The following RARS1 variants were observed in gnomAD, a reference collection of about 807,000 sequenced individuals.
RARS1 encodes the protein arginine--tRNA ligase, cytoplasmic.
Under a neutral mutation model 78.7 loss-of-function variants are expected in RARS1, and 75 were observed. That is an observed-to-expected ratio of 0.95 (90% CI 0.79 to 1.15). The LOEUF (loss-of-function observed/expected upper bound fraction) is 1.15. Ranked by LOEUF, RARS1 falls within the 50% of genes most tolerant of loss-of-function variation. RARS1 has a pLI of 0.00. For synonymous variants in RARS1, 273 were observed against 268.2 expected, an observed-to-expected ratio of 1.02 and a Z score of -0.18; for missense variants, 787 against 787.5, an observed-to-expected ratio of 1.00 and a Z score of 0.01.
chr5:168,487,427 G>A (rs1231296006), intron 1 of RARS1, among the ~76,000 whole-genome samples: 1 of 152,120 alleles, frequency 6.6e-6, no homozygotes, highest in Admixed American at 6.5e-5. Context: ...AGGTGGGGAG[G>A]GATGGTAGGA....
intron 14 of RARS1, 100 bp from the exon 15 acceptor site, chr5:168,518,981 T>C (rs1158973583): frequency 4.7e-6 from 4 of 852,946 alleles, no homozygotes; most frequent in African/African-American, 1.7e-5. Flanking sequence ...TGGGTTGGAC[T>C]ATGCACTTCT....
intron 5 of RARS1, chr5:168,495,073 T>G (rs886757388): frequency 1.4e-5 from 8 of 585,202 alleles, no homozygotes; most frequent in Non-Finnish European, 2.0e-5. Flanking sequence ...ATCACTGAAA[T>G]AGAATGGATA....
Position 168,506,096 on chromosome 5 carries a change from C to G in RARS1, c.1133C>G (p.Ser378Ter), listed in dbSNP as rs1758438632. 6.2e-7 allele frequency: 1 copy of G among 1,605,746 alleles called. No homozygotes were observed. The highest frequency in any genetic ancestry group is 8.5e-7 in the Non-Finnish European group (1 of 1,175,986). Reference sequence around the variant, plus strand: ...TCCATACCATTAACCATAGTAAAATCAGATGGAGGTTATACCTATGATACA... The same window carrying G: ...TCCATACCATTAACCATAGTAAAATGAGATGGAGGTTATACCTATGATACA... ...GCSIPLTIVK[S>*]DGGYTYDTSD... Residue 378 changes from serine (S) to a stop codon, truncating the protein, a stop_gained, in exon 10 of 15, where the codon TCA becomes TGA. Coordinates refer to ENST00000231572, the MANE Select transcript of RARS1 (RefSeq NM_002887.4). LOFTEE classifies it high-confidence loss of function.
At chr5:168,494,254 A>T in intron 4 of RARS1, 1 of 985,352 alleles carries the variant, frequency 1.0e-6, no homozygotes, top group Non-Finnish European at 1.2e-6. Flanking sequence ...GAGGATAGAT[A>T]ATGGCAGATA....
At chr5:168,500,374 G>A (rs561952854) in intron 7 of RARS1, among the ~76,000 whole-genome samples, 49 of 152,182 alleles carry the variant, frequency 3.2e-4, no homozygotes, top group African/African-American at 1.2e-3. Flanking sequence ...AAAGAAAACT[G>A]TGGTGAGATT....
chr5:168,506,885 C>G (rs1758460112), intron 11 of RARS1, 54 bp downstream of exon 11: 5 of 1,363,316 alleles, frequency 3.7e-6, no homozygotes, highest in African/African-American at 1.4e-5. Flanking sequence ...CAAGAGGCTA[C>G]TTTTCATTTG....
Position 168,492,792 on chromosome 5 carries a change from G to T in RARS1, c.314G>T (p.Ser105Ile). 1.2e-6 allele frequency: 2 copies of T among 1,613,930 alleles called. No homozygotes were observed. Among genetic ancestry groups the T allele is most frequent in the Non-Finnish European group, 1.7e-6 (2 of 1,179,838 alleles). ...AATCCTCCTCTGCTAGTGACACCAAGTCAGCAGGCCAAGTTTGGGGACTAT... is the reference window on the plus strand; with the variant it reads ...AATCCTCCTCTGCTAGTGACACCAATTCAGCAGGCCAAGTTTGGGGACTAT... ...LENPPLLVTP[S>I]QQAKFGDYQC... The change falls in exon 3 of 15, where the codon AGT becomes ATT. Residue 105 changes from serine (S) to isoleucine (I), a missense_variant. Coordinates refer to ENST00000231572, the MANE Select transcript of RARS1 (RefSeq NM_002887.4).
rs1758738921 is a variant in RARS1 at position 168,519,243 on chromosome 5, G to C, written c.*53G>C. 1 of 1,417,802 alleles carries C rather than the reference G, an allele frequency of 7.1e-7. No homozygotes were observed. The highest frequency in any genetic ancestry group is 1.4e-5 in the African/African-American group (1 of 70,334). The allele number at this position is 1,417,802 out of a possible 1,614,324, so 87.8% of individuals were successfully genotyped here. On this transcript the variant is annotated 3_prime_UTR_variant, in exon 15 of 15. Transcript: ENST00000231572. Reference sequence around the variant, plus strand: ...TTTTACCAAAGTGGCCATTGGCACTGTTTGCTTTTTTACAATCATGTGGAC... The same window carrying C: ...TTTTACCAAAGTGGCCATTGGCACTCTTTGCTTTTTTACAATCATGTGGAC...
At chr5:168,511,366 G>A (rs73316525) in intron 12 of RARS1, among the ~76,000 whole-genome samples, 6,239 of 151,932 alleles carry the variant, frequency 0.041, 434 homozygotes, top group Admixed American at 0.18. Context: ...TATTCATGGG[G>A]GAAGATGAAG....
In RARS1 at chr5:168,501,206, C is replaced by T. The variant is rs1046967552; in HGVS notation, c.952+486C>T. On this transcript the variant is annotated intron_variant, in intron 8 of 14. Transcript: ENST00000231572. ...TGAAGAGTAAATGGGTAAAGAACAA[C>T]CAGTAGATCTTTGAAAAAGACGATT... is the stretch of plus-strand genomic sequence containing the variant. 5.9e-5 allele frequency among the ~76,000 whole-genome samples: 9 copies of T among 152,168 alleles called. No individual in the cohort carries two copies. In the East Asian group the frequency reaches 1.2e-3, roughly 20 times the overall value.
intron 14 of RARS1, among the ~76,000 whole-genome samples, chr5:168,518,755 C>G (rs1758726194): frequency 6.6e-6 from 1 of 152,082 alleles, no homozygotes; most frequent in African/African-American, 2.4e-5. Context: ...GGAAAAAAAT[C>G]ACCACTGTGA....
chr5:168,490,345 G>T (rs1394545712), intron 2 of RARS1, among the ~76,000 whole-genome samples: 1 of 152,042 alleles, frequency 6.6e-6, no homozygotes, highest in South Asian at 2.1e-4. Context: ...ATGTGCTAGA[G>T]ACTATAAGGG....
intron 2 of RARS1, among the ~76,000 whole-genome samples, chr5:168,488,945 CTT>C (rs974172562): frequency 7.9e-5 from 12 of 152,132 alleles, no homozygotes; most frequent in Non-Finnish European, 1.8e-4. Context: ...CTTCAGGACT[CTT>C]TGAAATGTTT....
intron 1 of RARS1, 40 bp from the exon 2 acceptor site, chr5:168,488,562 G>A (rs545073267): frequency 3.2e-6 from 5 of 1,571,530 alleles, no homozygotes; most frequent in Non-Finnish European, 4.3e-6. Context: ...AAATGTGGAA[G>A]TAAGTTTATG....
chr5:168,493,554 G>C (rs1758125532), intron 3 of RARS1, among the ~76,000 whole-genome samples: 1 of 145,704 alleles, frequency 6.9e-6, no homozygotes, highest in South Asian at 2.1e-4. Context: ...AGAATTGCTT[G>C]AACCCAGGGG....
intron 7 of RARS1, among the ~76,000 whole-genome samples, chr5:168,498,667 C>T (rs1421965351): frequency 6.6e-6 from 1 of 152,022 alleles, no homozygotes; most frequent in East Asian, 1.9e-4. Context: ...TTTTTTCCCT[C>T]TTTAAAAATT....
intron 13 of RARS1, 30 bp from the exon 14 acceptor site, chr5:168,517,785 T>C (rs1475050478): frequency 2.5e-6 from 4 of 1,604,092 alleles, no homozygotes; most frequent in Admixed American, 1.7e-5. Flanking sequence ...ACAGTGGTGA[T>C]TGCCTGATGA....
At chr5:168,509,430 T>A (rs1368663477) in intron 11 of RARS1, among the ~76,000 whole-genome samples, 2 of 103,704 alleles carry the variant, frequency 1.9e-5, no homozygotes, top group Non-Finnish European at 3.7e-5. Flanking sequence ...TTGAGGGATT[T>A]TTTAAACACC....
intron 5 of RARS1, chr5:168,494,877 C>T (rs1057143907): frequency 2.8e-5 from 12 of 421,514 alleles, no homozygotes; most frequent in Middle Eastern, 6.6e-4. Flanking sequence ...AAAAGAAAAA[C>T]GAACTGCATG....
Sources: gnomAD v4.1 joint callset for allele counts (sites outside exome capture counted in the v4.1 genomes callset) on GRCh38, gnomAD v4.1.1 for gene constraint, MANE v1.5 for transcripts, NCBI Gene and HGNC (gene_info 2026-07-23, HGNC 2026-07-21) for gene names.